Variants in WDR45 observed in about 807,000 individuals in gnomAD.
The protein encoded by WDR45 is WD repeat domain phosphoinositide-interacting protein 4.
Under a neutral mutation model 27.3 loss-of-function variants are expected in WDR45, and 2 were observed. The observed-to-expected ratio is 0.07, with a 90% CI of 0.03 to 0.23. The LOEUF (loss-of-function observed/expected upper bound fraction) is 0.23. WDR45 is among the 10% of genes least tolerant of loss of function. The pLI, the probability that WDR45 is intolerant of heterozygous loss-of-function variation, is 1.00. For missense variants in WDR45, 175 were observed against 311.9 expected, an observed-to-expected ratio of 0.56 and a Z score of 3.31; for synonymous variants, 99 against 119.2, an observed-to-expected ratio of 0.83 and a Z score of 1.11.
intron 2 of WDR45, among the ~76,000 whole-genome samples, chrX:49,099,216 C>T (rs1032314054): frequency 1.4e-4 from 15 of 109,532 alleles, no homozygotes; most frequent in African/African-American, 2.3e-4. Flanking sequence ...CCCAGCTACT[C>T]GGGAAGCTGA....
In WDR45 at chrX:49,075,179, G is replaced by A. The variant is rs1057523535; in HGVS notation, c.930C>T (p.Cys310=). ...TCTTGGAAGTATTGCGACCGAAGGC[G>A]CAGATGCAAGCTGACTCAGCAGGCA... is the stretch of plus-strand genomic sequence containing the variant. ...FTVPAESACI[C]AFGRNTSKNV... Residue 310 remains cysteine (C), a synonymous_variant, in exon 10 of 11, where the codon TGC becomes TGT. Transcript: ENST00000376372. 3.4e-5 allele frequency: 41 copies of A among 1,211,217 alleles called. No homozygotes were observed. The highest frequency in any genetic ancestry group is 4.4e-5 in the Non-Finnish European group (39 of 895,418).
intron 2 of WDR45, among the ~76,000 whole-genome samples, chrX:49,090,387 T>C (rs949170870): frequency 9.0e-6 from 1 of 111,633 alleles, no homozygotes; most frequent in African/African-American, 3.3e-5. Flanking sequence ...TTGAATTAGA[T>C]AGTGTTGATG....
At chrX:49,076,202 C>CATGGCAGAGGTACCCCAGTGGCA in intron 6 of WDR45, 1 of 471,216 alleles carries the variant, frequency 2.1e-6, no homozygotes, top group East Asian at 3.7e-5. Context: ...CATGTCCTCA[C>CATGGCAGAGGTACCCCAGTGGCA]GAGGTGTTTT....
chrX:49,082,748 C>T (rs1261690130), upstream of WDR45, among the ~76,000 whole-genome samples: 6 of 111,141 alleles, frequency 5.4e-5, no homozygotes, highest in African/African-American at 2.0e-4. Flanking sequence ...GAGTCTCACT[C>T]TGTCACCTAG....
rs782520622 is a variant in WDR45, at chrX:49,085,309, T to G, written c.-17-7197A>C. 2.9e-4 allele frequency among the ~76,000 whole-genome samples: 33 copies of G among 111,931 alleles called. No individual in the cohort carries two copies. In the South Asian group the frequency reaches 0.011, roughly 39 times the overall value. On this transcript the variant is annotated intron_variant, in intron 2 of 11. Transcript: ENST00000356463. ...GAGGGAACAGGTCCTGACACTCACA[T>G]GGAGCTTCTGAAAATAGTGCCTGCA...
intron 2 of WDR45, among the ~76,000 whole-genome samples, chrX:49,090,585 G>T (rs188732033): frequency 9.0e-6 from 1 of 110,580 alleles, no homozygotes; most frequent in Non-Finnish European, 1.9e-5. Flanking sequence ...TGTCACCCAG[G>T]CTGGAGCAAT....
chrX:49,082,577 T>G (rs782545343), upstream of WDR45, among the ~76,000 whole-genome samples: 2 of 111,995 alleles, frequency 1.8e-5, no homozygotes, highest in East Asian at 5.6e-4. Flanking sequence ...GTCACTCCTG[T>G]GTCTTTGGGA....
chrX:49,089,497 C>T (rs59878236), intron 2 of WDR45, among the ~76,000 whole-genome samples: 2 of 109,866 alleles, frequency 1.8e-5, no homozygotes, highest in African/African-American at 3.3e-5. Flanking sequence ...TGGGTTCAAG[C>T]GATTCTTGTG....
At chrX:49,085,202 T>C (rs1202837119) in intron 2 of WDR45, among the ~76,000 whole-genome samples, 1 of 111,336 alleles carries the variant, frequency 9.0e-6, no homozygotes, top group African/African-American at 3.3e-5. Context: ...GGGTCCCCCT[T>C]CAGTATTTAG....
Position 49,078,085 on chromosome X carries a change from T to G in WDR45, c.11A>C (p.Gln4Pro). The change falls in exon 2 of 11, where the codon CAG becomes CCG. Residue 4 changes from glutamine (Q) to proline (P), a missense_variant. Gln to Pro is a moderately conservative substitution (Grantham distance 76). Coordinates refer to ENST00000376372, the MANE Select transcript of WDR45 (RefSeq NM_001029896.2). MTQ[Q>P]PLRGVTSLRF... ...CAGGCTGGTCACTCCTCGAAGTGGC[T>G]GTTGAGTCATGGTGCAGGATTGTTC... 8.3e-7 allele frequency: 1 copy of G among 1,211,863 alleles called. No homozygotes were observed. The highest frequency in any genetic ancestry group is 1.1e-6 in the Non-Finnish European group (1 of 895,418).
chrX:49,087,095 C>T (rs1422956247), intron 2 of WDR45, among the ~76,000 whole-genome samples: 3 of 108,057 alleles, frequency 2.8e-5, no homozygotes, highest in Non-Finnish European at 3.8e-5. Context: ...TGGTGGCCTA[C>T]ACCTGTAATC....
chrX:49,082,949 G>A (rs998522494), upstream of WDR45, among the ~76,000 whole-genome samples: 2 of 107,017 alleles, frequency 1.9e-5, no homozygotes, highest in African/African-American at 6.8e-5. Flanking sequence ...GGGCGATCTC[G>A]GTTAACTGCA....
chrX:49,084,296 T>A (rs1163605698), upstream of WDR45, among the ~76,000 whole-genome samples: 1 of 108,883 alleles, frequency 9.2e-6, no homozygotes, highest in Non-Finnish European at 1.9e-5. Context: ...GTGATCCACC[T>A]GCCTTGACCT....
Position 49,075,589 on chromosome X carries a change from T to C in WDR45, c.681A>G (p.Lys227=), listed in dbSNP as rs782404231. The C allele has an allele frequency of 8.3e-7, 1 of 1,211,678 alleles. No homozygotes were observed. Among genetic ancestry groups the C allele is most frequent in the Admixed American group, 2.2e-5 (1 of 46,021 alleles). ...IRLFDTQSKE[K]LVELRRGTDP... is the part of the protein sequence containing the mutation. Reference sequence around the variant, plus strand: ...CAGTGCCTCGGCGCAGCTCCACCAGTTTCTCCTTGGATTGTGTGTCAAAGA... The same window carrying C: ...CAGTGCCTCGGCGCAGCTCCACCAGCTTCTCCTTGGATTGTGTGTCAAAGA... The change falls in exon 8 of 11, where the codon AAA becomes AAG. Residue 227 remains lysine, a synonymous_variant. Coordinates refer to ENST00000376372, the MANE Select transcript of WDR45 (RefSeq NM_001029896.2).
chrX:49,095,939 AT>A (rs1180781445), intron 2 of WDR45, among the ~76,000 whole-genome samples: 75 of 92,979 alleles, frequency 8.1e-4, no homozygotes, highest in African/African-American at 1.4e-3. Flanking sequence ...TTGTTTTTGT[AT>A]TTTTTTTTTT....
intron 2 of WDR45, among the ~76,000 whole-genome samples, chrX:49,090,913 A>G (rs1224416844): frequency 1.6e-4 from 17 of 104,183 alleles, no homozygotes; most frequent in African/African-American, 6.1e-4. Context: ...GGCTCACTGC[A>G]ACCTCTGCCT....
intron 2 of WDR45, among the ~76,000 whole-genome samples, chrX:49,094,754 G>A (rs1030317807): frequency 9.0e-6 from 1 of 110,518 alleles, no homozygotes; most frequent in African/African-American, 3.3e-5. Flanking sequence ...AAAATTATAT[G>A]TTGAATGACA....
At position 49,079,885 on chromosome X, in the gene WDR45, T is replaced by A. The variant is rs2065059097; in HGVS notation, c.-152A>T. The A allele has an allele frequency of 8.9e-6, 1 of 112,755 alleles. No individual in the cohort carries two copies. The highest frequency in any genetic ancestry group is 1.9e-5 in the Non-Finnish European group (1 of 53,269). 9.3% of individuals were successfully genotyped at this position (112,755 alleles called of 1,213,427 possible). A position where few individuals can be genotyped will look rare whatever the true frequency, so the allele number is the denominator to read the frequency against. ...CGGGCCTTGGAGCCCGGCTCGGGTG[T>A]TTACATCAGGCCCTACTTCCGGGGG... is the stretch of plus-strand genomic sequence containing the variant. On this transcript the variant is annotated 5_prime_UTR_variant, in exon 1 of 11. Coordinates refer to ENST00000376372, the MANE Select transcript of WDR45 (RefSeq NM_001029896.2).
intron 2 of WDR45, among the ~76,000 whole-genome samples, chrX:49,098,683 T>C (rs1357655739): frequency 7.3e-5 from 8 of 109,439 alleles, no homozygotes; most frequent in African/African-American, 2.3e-4. Flanking sequence ...GTGGCGCACC[T>C]GTACTCCAAG....
Sources: gnomAD v4.1 joint callset for allele counts (sites outside exome capture counted in the v4.1 genomes callset) on GRCh38, gnomAD v4.1.1 for gene constraint, MANE v1.5 for transcripts, NCBI Gene and HGNC (gene_info 2026-07-23, HGNC 2026-07-21) for gene names.